FARS2: variants seen among roughly 807,000 people sequenced by gnomAD.
The protein encoded by FARS2 is phenylalanyl-tRNA synthetase 2, mitochondrial.
A neutral mutation model predicts 46.4 loss-of-function variants in FARS2; 40 were observed. The observed-to-expected ratio is 0.86, with a 90% confidence interval of 0.67 to 1.12. FARS2 has a LOEUF of 1.12. Ranked by LOEUF, FARS2 falls within the 50% of genes most tolerant of loss-of-function variation. The pLI, the probability that FARS2 is intolerant of heterozygous loss-of-function variation, is 0.00. For missense variants in FARS2, 513 were observed against 567.9 expected (o/e 0.90, Z 0.98); for synonymous variants, 234 against 214.9 (o/e 1.09, Z -0.78).
At chr6:5,310,564 T>TTG (rs922910099) in intron 1 of FARS2, among the ~76,000 whole-genome samples, 3 of 151,940 alleles carry the variant, frequency 2.0e-5, no homozygotes, top group African/African-American at 7.2e-5. Flanking sequence ...ATACATTTTT[T>TTG]TGTGTGTGTG....
intron 6 of FARS2, among the ~76,000 whole-genome samples, chr6:5,657,556 C>G (rs1777658389): frequency 6.6e-6 from 1 of 152,146 alleles, no homozygotes; most frequent in Admixed American, 6.5e-5. Flanking sequence ...TGAAACTGGT[C>G]CTGGAAGTCT....
chr6:5,271,145 A>G (rs190693914), intron 1 of FARS2, among the ~76,000 whole-genome samples: 2 of 152,294 alleles, frequency 1.3e-5, no homozygotes, highest in East Asian at 1.9e-4. Context: ...GATGTTGCCA[A>G]AGATTCAATT....
chr6:5,708,080 A>G (rs1232782329), intron 6 of FARS2, among the ~76,000 whole-genome samples: 1 of 152,024 alleles, frequency 6.6e-6, no homozygotes, highest in Non-Finnish European at 1.5e-5. Flanking sequence ...TAGGATGAAA[A>G]CATGTGGGCC....
chr6:5,757,165 A>T (rs1170642816), intron 6 of FARS2, among the ~76,000 whole-genome samples: 2 of 133,542 alleles, frequency 1.5e-5, no homozygotes, highest in Non-Finnish European at 3.0e-5. Flanking sequence ...TAAGCCTGAC[A>T]TCTTTTTTTT....
At chr6:5,634,698 G>C (rs73360274) in intron 6 of FARS2, among the ~76,000 whole-genome samples, 9,339 of 152,180 alleles carry the variant, frequency 0.061, 945 homozygotes, top group African/African-American at 0.21. Flanking sequence ...CCTATTCTTA[G>C]CAAAAGATAG....
At chr6:5,482,014 G>A (rs1430327640) in intron 4 of FARS2, among the ~76,000 whole-genome samples, 1 of 152,142 alleles carries the variant, frequency 6.6e-6, no homozygotes, top group Non-Finnish European at 1.5e-5. Flanking sequence ...AGTGGGGACT[G>A]GGTCTCATGA....
chr6:5,534,516 T>G (rs1459972874), intron 4 of FARS2, among the ~76,000 whole-genome samples: 4 of 151,752 alleles, frequency 2.6e-5, no homozygotes. Context: ...AAAGCTTAGA[T>G]TTTTTTTTGC....
intron 2 of FARS2, among the ~76,000 whole-genome samples, chr6:5,370,840 C>G (rs887729773): frequency 5.3e-5 from 8 of 152,180 alleles, no homozygotes; most frequent in Non-Finnish European, 1.2e-4. Flanking sequence ...GATGATGCTA[C>G]TATATATTCT....
intron 3 of FARS2, among the ~76,000 whole-genome samples, chr6:5,413,550 T>C (rs1469788072): frequency 2.0e-5 from 3 of 152,224 alleles, no homozygotes; most frequent in Admixed American, 6.5e-5. Context: ...AATTTCCTGA[T>C]TGATTTCAGC....
At chr6:5,619,486 C>A (rs1775651980) in intron 6 of FARS2, among the ~76,000 whole-genome samples, 1 of 152,168 alleles carries the variant, frequency 6.6e-6, no homozygotes, top group African/African-American at 2.4e-5. Flanking sequence ...CACTGTCAGT[C>A]AGAGCTGAGA....
At chr6:5,349,618 A>C (rs1324468061) in intron 1 of FARS2, among the ~76,000 whole-genome samples, 5 of 152,204 alleles carry the variant, frequency 3.3e-5, no homozygotes, top group African/African-American at 1.2e-4. Flanking sequence ...CATTTGATGC[A>C]ATTAAGGAAC....
chr6:5,593,847 A>G (rs9405853), intron 5 of FARS2, among the ~76,000 whole-genome samples: 127,634 of 152,226 alleles, frequency 0.84, 53,688 homozygotes, highest in African/African-American at 0.9. Context: ...GTAGGGCTGT[A>G]TTTTCTGGCT....
intron 2 of FARS2, among the ~76,000 whole-genome samples, chr6:5,398,600 C>G (rs1761043426): frequency 1.3e-5 from 2 of 152,238 alleles, no homozygotes; most frequent in Admixed American, 1.3e-4. Context: ...TATTTAGAAG[C>G]CTAGACCTGA....
chr6:5,746,226 G>T (rs192803227), intron 6 of FARS2, among the ~76,000 whole-genome samples: 48 of 152,272 alleles, frequency 3.2e-4, no homozygotes, highest in African/African-American at 1.2e-3. Flanking sequence ...ACTAGGAGCA[G>T]TCAGAACCTG....
chr6:5,289,824 T>C (rs548496628), intron 1 of FARS2, among the ~76,000 whole-genome samples: 1 of 152,220 alleles, frequency 6.6e-6, no homozygotes. Flanking sequence ...CTGGTTCTTT[T>C]GTTACTTGGG....
chr6:5,581,249 AAC>A (rs1264179099), intron 5 of FARS2, among the ~76,000 whole-genome samples: 1 of 152,368 alleles, frequency 6.6e-6, no homozygotes, highest in Admixed American at 6.5e-5. Flanking sequence ...ACACCCAAGA[AAC>A]AGTTTCAGAA....
chr6:5,674,678 G>C (rs1385258512), intron 6 of FARS2, among the ~76,000 whole-genome samples: 1 of 152,178 alleles, frequency 6.6e-6, no homozygotes, highest in Non-Finnish European at 1.5e-5. Context: ...AGATTCTTGA[G>C]GGGGTGGATG....
At chr6:5,465,106 G>C (rs937188809) in intron 4 of FARS2, among the ~76,000 whole-genome samples, 3 of 152,136 alleles carry the variant, frequency 2.0e-5, no homozygotes, top group African/African-American at 7.2e-5. Context: ...CAGTCCTCTT[G>C]AAAGGAATAG....
chr6:5,588,568 C>T (rs184268742), intron 5 of FARS2, among the ~76,000 whole-genome samples: 28 of 152,278 alleles, frequency 1.8e-4, no homozygotes, highest in Middle Eastern at 6.8e-3. Context: ...CTCACCTTTT[C>T]GCTTTTCTTT....
Sources: gnomAD v4.1 joint callset for allele counts (sites outside exome capture counted in the v4.1 genomes callset) on GRCh38, gnomAD v4.1.1 for gene constraint, MANE v1.5 for transcripts, NCBI Gene and HGNC (gene_info 2026-07-23, HGNC 2026-07-21) for gene names.